The following ATP8B4 variants were observed in gnomAD, a reference collection of about 807,000 sequenced individuals.
The protein encoded by ATP8B4 is ATPase phospholipid transporting 8B4 (putative).
ATP8B4 carries 133 observed loss-of-function variants against 145.6 expected under a neutral mutation model. That is an observed-to-expected ratio of 0.91 (90% CI 0.79 to 1.05). The LOEUF (loss-of-function observed/expected upper bound fraction) is 1.05, where lower values mean the gene tolerates loss of function less well. ATP8B4 is among the 50% of genes least tolerant of loss of function. ATP8B4 has a pLI of 0.00. For missense variants in ATP8B4, 1,458 were observed against 1,425.2 expected, an observed-to-expected ratio of 1.02 and a Z score of -0.37; for synonymous variants, 507 against 492.9, an observed-to-expected ratio of 1.03 and a Z score of -0.38.
chr15:49,883,159 A>C (rs1327558985), intron 23 of ATP8B4: 1 of 139,958 alleles, frequency 7.1e-6, no homozygotes, highest in East Asian at 2.5e-4. Context: ...TTTTTTTTTT[A>C]AAGCAGAGCA....
intron 14 of ATP8B4, among the ~76,000 whole-genome samples, chr15:49,948,094 C>G (rs1491000397): frequency 1.3e-5 from 2 of 152,014 alleles, no homozygotes; most frequent in African/African-American, 4.8e-5. Flanking sequence ...ACAACAAAAG[C>G]ACAGACAATG....
At chr15:50,031,974 A>T (rs2050477848) in intron 6 of ATP8B4, among the ~76,000 whole-genome samples, 1 of 152,208 alleles carries the variant, frequency 6.6e-6, no homozygotes, top group African/African-American at 2.4e-5. Context: ...ATTGTTTTAA[A>T]TTGTTACTGT....
intron 1 of ATP8B4, among the ~76,000 whole-genome samples, chr15:50,109,587 AT>A (rs1221193268): frequency 2.0e-5 from 3 of 151,396 alleles, no homozygotes; most frequent in Non-Finnish European, 2.9e-5. Context: ...TTCTGTGTTC[AT>A]TGGCTGAGTC....
intron 14 of ATP8B4, among the ~76,000 whole-genome samples, chr15:49,958,659 A>C (rs929724559): frequency 6.6e-6 from 1 of 151,946 alleles, no homozygotes; most frequent in Non-Finnish European, 1.5e-5. Flanking sequence ...CTTTGTAAAT[A>C]AATGTGAAAA....
intron 14 of ATP8B4, among the ~76,000 whole-genome samples, chr15:49,942,182 G>T (rs1175129782): frequency 6.6e-6 from 1 of 151,870 alleles, no homozygotes; most frequent in Non-Finnish European, 1.5e-5. Flanking sequence ...TACCCCAAAT[G>T]CTATTGAAAT....
At chr15:49,916,818 A>G (rs1413890916) in intron 20 of ATP8B4, 116 bp downstream of exon 20, 2 of 894,888 alleles carry the variant, frequency 2.2e-6, no homozygotes, top group Non-Finnish European at 3.3e-6. Context: ...AGAACTTTAT[A>G]CTAAGTTAAG....
At chr15:49,889,669 G>A (rs974222933) in intron 23 of ATP8B4, among the ~76,000 whole-genome samples, 1 of 152,152 alleles carries the variant, frequency 6.6e-6, no homozygotes, top group Non-Finnish European at 1.5e-5. Flanking sequence ...CCACCTACCA[G>A]GATGGGGCAT....
chr15:49,904,531 A>C (rs2038397157), intron 20 of ATP8B4, among the ~76,000 whole-genome samples: 1 of 152,206 alleles, frequency 6.6e-6, no homozygotes, highest in Non-Finnish European at 1.5e-5. Context: ...TAATGTACTA[A>C]AACATTTTTC....
intron 23 of ATP8B4, 54 bp from the exon 24 acceptor site, chr15:49,879,513 A>C: frequency 6.8e-7 from 1 of 1,461,944 alleles, no homozygotes; most frequent in African/African-American, 1.4e-5. Context: ...TAGTGAGAAT[A>C]TTCACATTTA....
chr15:49,930,215 G>A (rs573612553), intron 16 of ATP8B4, among the ~76,000 whole-genome samples: 1 of 152,164 alleles, frequency 6.6e-6, no homozygotes, highest in South Asian at 2.1e-4. Flanking sequence ...TGATGCAGGA[G>A]AGTAAATTAT....
intron 3 of ATP8B4, among the ~76,000 whole-genome samples, chr15:50,061,722 C>T (rs1420945047): frequency 6.6e-6 from 1 of 152,102 alleles, no homozygotes; most frequent in Non-Finnish European, 1.5e-5. Flanking sequence ...CCAAATGGTT[C>T]CCCAAATCCA....
chr15:49,922,412 A>G, intron 17 of ATP8B4: 2 of 448,292 alleles, frequency 4.5e-6, no homozygotes, highest in Middle Eastern at 6.9e-4. Flanking sequence ...CCTCCTGGAA[A>G]AGATTAAAAG....
intron 1 of ATP8B4, among the ~76,000 whole-genome samples, chr15:50,150,037 G>T (rs529024560): frequency 5.9e-5 from 9 of 151,988 alleles, no homozygotes; most frequent in African/African-American, 1.9e-4. Flanking sequence ...GGAGGTGGAG[G>T]TTGCAGTGAG....
chr15:50,098,210 A>ATT (rs1428264858), intron 2 of ATP8B4, among the ~76,000 whole-genome samples: 2 of 147,170 alleles, frequency 1.4e-5, no homozygotes, highest in Non-Finnish European at 3.0e-5. Flanking sequence ...AAAATTAAAG[A>ATT]TTTTGGTTGT....
intron 20 of ATP8B4, among the ~76,000 whole-genome samples, chr15:49,912,293 A>G (rs1026921913): frequency 6.6e-6 from 1 of 152,144 alleles, no homozygotes; most frequent in Admixed American, 6.5e-5. Flanking sequence ...CTAACCAAGA[A>G]AAAAAGAGAG....
intron 1 of ATP8B4, among the ~76,000 whole-genome samples, chr15:50,179,014 G>T (rs1445102979): frequency 6.6e-6 from 1 of 152,146 alleles, no homozygotes; most frequent in East Asian, 1.9e-4. Flanking sequence ...GAGATTTACA[G>T]GGTTAGGATG....
At chr15:50,062,358 G>C (rs6493398) in intron 3 of ATP8B4, among the ~76,000 whole-genome samples, 6 of 152,054 alleles carry the variant, frequency 3.9e-5, no homozygotes, top group African/African-American at 1.4e-4. Flanking sequence ...GATGTGCCTG[G>C]TCCCCCTTCA....
chr15:50,174,675 G>A (rs2044736642), intron 1 of ATP8B4, among the ~76,000 whole-genome samples: 1 of 151,960 alleles, frequency 6.6e-6, no homozygotes, highest in African/African-American at 2.4e-5. Flanking sequence ...CACATCCCAT[G>A]CTCATGGATA....
intron 2 of ATP8B4, among the ~76,000 whole-genome samples, chr15:50,086,924 AAAT>A (rs1305748883): frequency 2.0e-5 from 2 of 98,938 alleles, no homozygotes; most frequent in African/African-American, 8.8e-5. Flanking sequence ...ATATATAATA[AAAT>A]AATATAGAGA....
Sources: allele counts gnomAD v4.1 joint callset (sites outside exome capture counted in the v4.1 genomes callset), GRCh38; gene constraint gnomAD v4.1.1; transcripts MANE v1.5; gene names NCBI Gene and HGNC (gene_info 2026-07-23, HGNC 2026-07-21).